Variants in SETD3 observed in about 807,000 individuals in gnomAD.
SETD3 encodes actin-histidine N-methyltransferase.
Under a neutral mutation model 63.0 loss-of-function variants are expected in SETD3, and 19 were observed. That is an observed-to-expected ratio of 0.30 (90% CI 0.21 to 0.44). The LOEUF (loss-of-function observed/expected upper bound fraction) is 0.44, where lower values mean the gene tolerates loss of function less well. SETD3 is among the 20% of genes least tolerant of loss of function. The probability of loss-of-function intolerance (pLI) is 1.00; values close to 1 mark genes in which losing one functional copy is unlikely to be tolerated. For missense variants in SETD3, 587 were observed against 728.5 expected, an observed-to-expected ratio of 0.81 and a Z score of 2.24; for synonymous variants, 286 against 264.1, an observed-to-expected ratio of 1.08 and a Z score of -0.80.
At chr14:99,444,723 G>C (rs1204813325) in intron 6 of SETD3, among the ~76,000 whole-genome samples, 3 of 152,070 alleles carry the variant, frequency 2.0e-5, no homozygotes, top group African/African-American at 7.2e-5. Context: ...AGCTGGGCAT[G>C]GTGGTGCACG....
chr14:99,466,702 G>A (rs561420465), intron 1 of SETD3, among the ~76,000 whole-genome samples: 12 of 152,082 alleles, frequency 7.9e-5, no homozygotes, highest in African/African-American at 2.9e-4. Flanking sequence ...CGGCTGGAGA[G>A]GGGGTCTCTA....
intron 6 of SETD3, among the ~76,000 whole-genome samples, chr14:99,435,250 T>C (rs565258300): frequency 1.3e-5 from 2 of 152,302 alleles, no homozygotes; most frequent in South Asian, 4.1e-4. Context: ...AGTATAGCTA[T>C]ATTTTTTTAG....
intron 6 of SETD3, among the ~76,000 whole-genome samples, chr14:99,440,958 CAAAG>C (rs1362528412): frequency 6.6e-6 from 1 of 152,144 alleles, no homozygotes; most frequent in African/African-American, 2.4e-5. Flanking sequence ...TCTCAGAAGA[CAAAG>C]AAAGGACAGG....
Position 99,400,222 on chromosome 14 carries a change from A to G in SETD3, c.1215T>C (p.Ile405=), listed in dbSNP as rs1595136432. Residue 405 remains isoleucine, a synonymous_variant, in exon 12 of 13, where the codon ATT becomes ATC. Transcript: ENST00000331768. ...LKEHLLGDSA[I]DRIFTLGNSE... Reference sequence around the variant, plus strand: ...AGTTCCCCAAGGTGAAGATTCTATCAATAGCGCTGTCTCCCAGCAAGTGTT... The same window carrying G: ...AGTTCCCCAAGGTGAAGATTCTATCGATAGCGCTGTCTCCCAGCAAGTGTT... 1 of 1,613,828 alleles carries G rather than the reference A, an allele frequency of 6.2e-7. No homozygotes were observed. Among genetic ancestry groups the G allele is most frequent in the Non-Finnish European group, 8.5e-7 (1 of 1,179,918 alleles).
At chr14:99,471,924 C>T (rs188048661) in intron 1 of SETD3, among the ~76,000 whole-genome samples, 1 of 152,090 alleles carries the variant, frequency 6.6e-6, no homozygotes, top group Non-Finnish European at 1.5e-5. Context: ...CCACTGAGGC[C>T]GGCAGTGACC....
At chr14:99,449,609 T>C (rs1368915270) in intron 6 of SETD3, among the ~76,000 whole-genome samples, 1 of 152,132 alleles carries the variant, frequency 6.6e-6, no homozygotes. Flanking sequence ...CAAGGAACTA[T>C]CCCAGGCTGG....
rs1192640610 is a variant in SETD3, at chr14:99,458,480, G to A, written c.474C>T (p.Ala158=). 1.9e-6 allele frequency: 3 copies of A among 1,614,042 alleles called. No individual in the cohort carries two copies. Among genetic ancestry groups the A allele is most frequent in the Non-Finnish European group, 2.5e-6 (3 of 1,180,036 alleles). ...ILQAMGNIAL[A]FHLLCERASP... is the part of the protein sequence containing the mutation. ...TGGCTCGCTCACACAGCAAATGAAAGGCCAGTGCGATGTTTCCCATGGCTT... is the reference window on the plus strand; with the variant it reads ...TGGCTCGCTCACACAGCAAATGAAAAGCCAGTGCGATGTTTCCCATGGCTT... The change falls in exon 6 of 13, where the codon GCC becomes GCT. Residue 158 remains alanine (A), a synonymous_variant. Coordinates refer to ENST00000331768, the MANE Select transcript of SETD3 (RefSeq NM_032233.3).
At chr14:99,475,355 G>A (rs939345823) in intron 1 of SETD3, among the ~76,000 whole-genome samples, 10 of 152,248 alleles carry the variant, frequency 6.6e-5, no homozygotes, top group African/African-American at 2.4e-4. Flanking sequence ...TATAAGACAG[G>A]CAGGACAGAG....
intron 4 of SETD3, 34 bp from the exon 5 acceptor site, chr14:99,459,219 A>G (rs1894935049): frequency 3.4e-6 from 5 of 1,470,308 alleles, no homozygotes; most frequent in Non-Finnish European, 4.8e-6. Flanking sequence ...AGAATCATCA[A>G]AACACGGTAC....
chr14:99,468,965 T>G (rs1233471388), intron 1 of SETD3, among the ~76,000 whole-genome samples: 1 of 152,168 alleles, frequency 6.6e-6, no homozygotes, highest in Non-Finnish European at 1.5e-5. Flanking sequence ...AGGTCTTAGG[T>G]CAGGTTACAA....
At chr14:99,403,443 ACACACACACACACTCT>A (rs1891491085) in intron 11 of SETD3, among the ~76,000 whole-genome samples, 1 of 113,010 alleles carries the variant, frequency 8.8e-6, no homozygotes, top group Non-Finnish European at 1.7e-5. Flanking sequence ...ACACACACAC[ACACACACACACACTCT>A]CTCTCTCTCT....
In SETD3 at chr14:99,472,563, GA is replaced by G. The variant is rs201388050; in HGVS notation, c.-8-6751del. Reference sequence around the variant, plus strand: ...TCTGAACATACTTCATGCTCTTCATGAAAAAAATATATTAAACATTCATCAA... The same window carrying G: ...TCTGAACATACTTCATGCTCTTCATGAAAAAATATATTAAACATTCATCAA... On this transcript the variant is annotated intron_variant, in intron 1 of 12. Coordinates refer to ENST00000331768, the MANE Select transcript of SETD3 (RefSeq NM_032233.3). Among the ~76,000 whole-genome samples, 935 of 152,048 alleles carry G rather than the reference GA, an allele frequency of 6.1e-3. 12 individuals carry two copies. Among genetic ancestry groups the G allele is most frequent in the African/African-American group, 0.021 (883 of 41,472 alleles).
At chr14:99,469,473 G>A (rs1895576688) in intron 1 of SETD3, among the ~76,000 whole-genome samples, 1 of 152,262 alleles carries the variant, frequency 6.6e-6, no homozygotes, top group African/African-American at 2.4e-5. Flanking sequence ...GCTGGGCGTA[G>A]TGGCTCATGC....
intron 2 of SETD3, 74 bp from the exon 3 acceptor site, chr14:99,463,652 G>T: frequency 1.6e-6 from 2 of 1,221,242 alleles, no homozygotes; most frequent in Non-Finnish European, 2.4e-6. Flanking sequence ...CAAGAAAGAG[G>T]ATTTGGACTT....
chr14:99,399,852 G>T (rs1482971819), intron 12 of SETD3, among the ~76,000 whole-genome samples: 1 of 148,892 alleles, frequency 6.7e-6, no homozygotes, highest in Non-Finnish European at 1.5e-5. Flanking sequence ...CTGGGTTCAA[G>T]CGATTCTCCT....
chr14:99,445,235 G>A (rs527566711), intron 6 of SETD3, among the ~76,000 whole-genome samples: 11 of 152,268 alleles, frequency 7.2e-5, no homozygotes, highest in East Asian at 5.8e-4. Context: ...ATAAACTAAC[G>A]GCAACAGAAT....
chr14:99,469,219 C>T (rs1416394927), intron 1 of SETD3, among the ~76,000 whole-genome samples: 1 of 152,126 alleles, frequency 6.6e-6, no homozygotes, highest in East Asian at 1.9e-4. Flanking sequence ...ATAATTACAG[C>T]AGAGGTGTAA....
rs551570094 is a variant in SETD3 at position 99,400,640 on chromosome 14, C to CA, written c.1178-382dup. ...AGCCATGAGCTCCATCACACCAAGTCAAAAAAGACATTTAGGTGAACGATG... is the reference window on the plus strand; with the variant it reads ...AGCCATGAGCTCCATCACACCAAGTCAAAAAAAGACATTTAGGTGAACGATG... On this transcript the variant is annotated intron_variant, in intron 11 of 12. Coordinates refer to ENST00000331768, the MANE Select transcript of SETD3 (RefSeq NM_032233.3). 1.3e-4 allele frequency among the ~76,000 whole-genome samples: 20 copies of CA among 152,078 alleles called. No individual in the cohort carries two copies. In the South Asian group the frequency reaches 4.2e-3, roughly 32 times the overall value.
At chr14:99,481,863 A>T (rs911665603), upstream of SETD3, among the ~76,000 whole-genome samples, 1 of 152,140 alleles carries the variant, frequency 6.6e-6, no homozygotes, top group East Asian at 1.9e-4. Context: ...ATTAGTCCCA[A>T]CCTTGGCTAG....
Sources: gnomAD v4.1 joint callset for allele counts (sites outside exome capture counted in the v4.1 genomes callset) on GRCh38, gnomAD v4.1.1 for gene constraint, MANE v1.5 for transcripts, NCBI Gene and HGNC (gene_info 2026-07-23, HGNC 2026-07-21) for gene names.